Variants in VIPR2 observed in about 807,000 individuals in gnomAD.
VIPR2 encodes vasoactive intestinal polypeptide receptor 2.
Under a neutral mutation model 58.0 loss-of-function variants are expected in VIPR2, and 48 were observed. That is an observed-to-expected ratio of 0.83 (90% confidence interval 0.66 to 1.05). The LOEUF (loss-of-function observed/expected upper bound fraction) is 1.05. Ranked by LOEUF, VIPR2 falls within the 50% of genes least tolerant of loss-of-function variation. The probability of loss-of-function intolerance (pLI) is 0.00; values close to 1 mark genes in which losing one functional copy is unlikely to be tolerated. For synonymous variants in VIPR2, 243 were observed against 235.2 expected, an observed-to-expected ratio of 1.03 and a Z score of -0.30; for missense variants, 534 against 558.0, an observed-to-expected ratio of 0.96 and a Z score of 0.43.
intron 2 of VIPR2, among the ~76,000 whole-genome samples, chr7:159,111,475 T>C (rs1795998093): frequency 6.6e-6 from 1 of 151,192 alleles, no homozygotes; most frequent in Admixed American, 6.6e-5. Context: ...AGGTCAGGAG[T>C]GTGAGAACAG....
rs539741223 is a variant in VIPR2 at position 159,107,465 on chromosome 7, C to T, written c.259+2347G>A. Among the ~76,000 whole-genome samples, 100 of 152,330 alleles carry T rather than the reference C, an allele frequency of 6.6e-4. 1 individual carries two copies. The highest frequency in any genetic ancestry group is 2.2e-3 in the African/African-American group (93 of 41,576). ...TGTTCCCCTCTATGCAGACAGTTGG[C>T]TCATTGCCTCCTGGAGGGGATGGGG... On this transcript the variant is annotated intron_variant, in intron 3 of 12. Transcript: ENST00000262178.
rs1858006234 is a variant in VIPR2 at position 159,098,614 on chromosome 7, T to C, written c.357+5143A>G. On this transcript the variant is annotated intron_variant, in intron 4 of 12. Coordinates refer to ENST00000262178, the MANE Select transcript of VIPR2 (RefSeq NM_003382.5). The surrounding 1 kb of genome is among the most constrained non-coding windows in gnomAD (Gnocchi z 5.2). ...CCAGGTCCAGATGAGATGCAGCTGCTCAGCAGTGCCCAGGGCTGCCCTAGA... is the reference window on the plus strand; with the variant it reads ...CCAGGTCCAGATGAGATGCAGCTGCCCAGCAGTGCCCAGGGCTGCCCTAGA... 6.6e-6 allele frequency among the ~76,000 whole-genome samples: 1 copy of C among 152,046 alleles called. No individual in the cohort carries two copies. Among genetic ancestry groups the C allele is most frequent in the African/African-American group, 2.4e-5 (1 of 41,416 alleles).
intron 4 of VIPR2, among the ~76,000 whole-genome samples, chr7:159,065,049 C>T (rs1002749337): frequency 3.3e-5 from 5 of 152,208 alleles, no homozygotes; most frequent in Non-Finnish European, 5.9e-5. Flanking sequence ...TCTCTGAAAG[C>T]TGGGAGGGCG....
intron 4 of VIPR2, among the ~76,000 whole-genome samples, chr7:159,079,266 C>T (rs1232479719): frequency 6.6e-6 from 1 of 152,172 alleles, no homozygotes; most frequent in African/African-American, 2.4e-5. Context: ...TTATAACAAA[C>T]TGTCTCTCAG....
intron 2 of VIPR2, 125 bp downstream of exon 2, chr7:159,142,321 A>T: frequency 1.5e-6 from 1 of 679,048 alleles, no homozygotes; most frequent in East Asian, 2.6e-5. Flanking sequence ...AACAATGGGA[A>T]GTGGCCTTTC....
chr7:159,123,258 A>G (rs868778318), intron 2 of VIPR2, among the ~76,000 whole-genome samples: 1 of 124,272 alleles, frequency 8.0e-6, no homozygotes, highest in African/African-American at 3.0e-5. Context: ...GCCCCACTGC[A>G]CTCCAGCCTG....
At chr7:159,144,471 A>G in intron 1 of VIPR2, 1 of 1,540,084 alleles carries the variant, frequency 6.5e-7, no homozygotes, top group Non-Finnish European at 8.8e-7. Flanking sequence ...CAAACCCCGG[A>G]CGGTGGGGCG....
chr7:159,064,506 T>C (rs73523919), intron 4 of VIPR2, among the ~76,000 whole-genome samples: 27,627 of 152,018 alleles, frequency 0.18, 5,994 homozygotes, highest in African/African-American at 0.53. Flanking sequence ...AACTGTGGTC[T>C]CAAGTCGGGG....
At chr7:159,143,253 G>A (rs1485893096) in intron 1 of VIPR2, among the ~76,000 whole-genome samples, 2 of 152,202 alleles carry the variant, frequency 1.3e-5, no homozygotes, top group Non-Finnish European at 2.9e-5. Context: ...CCTCTCAGAA[G>A]GCACCGTTTC....
At chr7:159,040,732 G>A (rs1177222238) in intron 6 of VIPR2, among the ~76,000 whole-genome samples, 1 of 152,192 alleles carries the variant, frequency 6.6e-6, no homozygotes, top group African/African-American at 2.4e-5. Context: ...TGGAAGGAAA[G>A]CTATTTTTCC....
At chr7:159,110,097 A>G (rs1409008875) in intron 2 of VIPR2, among the ~76,000 whole-genome samples, 178 bp from the exon 3 acceptor site, 1 of 152,272 alleles carries the variant, frequency 6.6e-6, no homozygotes, top group Non-Finnish European at 1.5e-5. Flanking sequence ...TTGGAGGAAT[A>G]ACCATATGGT....
chr7:159,048,527 T>C (rs924146056), intron 5 of VIPR2, among the ~76,000 whole-genome samples: 4 of 152,222 alleles, frequency 2.6e-5, no homozygotes, highest in African/African-American at 9.6e-5. Context: ...CTATACTGTG[T>C]GAACTACAAA....
intron 4 of VIPR2, among the ~76,000 whole-genome samples, chr7:159,083,988 C>T (rs761093985): frequency 2.6e-5 from 4 of 152,252 alleles, no homozygotes; most frequent in Non-Finnish European, 5.9e-5. Context: ...TGGATGGGCT[C>T]TGACAAAGTC....
intron 5 of VIPR2, among the ~76,000 whole-genome samples, chr7:159,053,409 A>C (rs987070233): frequency 6.6e-6 from 1 of 152,254 alleles, no homozygotes; most frequent in Non-Finnish European, 1.5e-5. Flanking sequence ...GAGAAATTAA[A>C]GAAAACCAAA....
intron 2 of VIPR2, among the ~76,000 whole-genome samples, chr7:159,111,181 G>A (rs2129496324): frequency 6.6e-6 from 1 of 151,732 alleles, no homozygotes; most frequent in South Asian, 2.1e-4. Context: ...TAGGGCAGGT[G>A]GTGGAGAGGT....
rs1488869926 is a variant in VIPR2 at position 159,128,959 on chromosome 7, G to A, written c.151+13487C>T. Among the ~76,000 whole-genome samples the A allele has an allele frequency of 6.6e-6, 1 of 152,192 alleles. No individual in the cohort carries two copies. Among genetic ancestry groups the A allele is most frequent in the Non-Finnish European group, 1.5e-5 (1 of 68,034 alleles). On this transcript the variant is annotated intron_variant, in intron 2 of 12. Coordinates refer to ENST00000262178, the MANE Select transcript of VIPR2 (RefSeq NM_003382.5). This position sits in a 1 kb window ranked among gnomAD's most constrained non-coding sequence, Gnocchi z 4.1. ...GCTCCAGGGCAAAGCCAGCCCGAGCGCCAGTGTAAATGCACCCCCTCCCTC... is the reference window on the plus strand; with the variant it reads ...GCTCCAGGGCAAAGCCAGCCCGAGCACCAGTGTAAATGCACCCCCTCCCTC...
chr7:159,124,727 G>C (rs1796593204), intron 2 of VIPR2, among the ~76,000 whole-genome samples: 1 of 152,134 alleles, frequency 6.6e-6, no homozygotes, highest in Non-Finnish European at 1.5e-5. Context: ...CTATATGGCA[G>C]TATGGCCATT....
chr7:159,103,834 T>G lies in VIPR2; in HGVS notation c.280A>C (p.Thr94Pro). 2 of 1,614,180 alleles carry G rather than the reference T, an allele frequency of 1.2e-6. No individual in the cohort carries two copies. The highest frequency in any genetic ancestry group is 1.1e-5 in the South Asian group (1 of 91,084). Residue 94 changes from threonine (T) to proline (P), a missense_variant, in exon 4 of 13, where the codon ACG becomes CCG. This residue lies in a region of VIPR2 where 224 missense variants were observed against 255.7 expected (regional missense o/e 0.88). Transcript: ENST00000262178. ...SKAGNISKNC[T>P]SDGWSETFPD... ...AACGTCTCTGACCATCCGTCACTCGTACAGTTTTTGCTTATGTTTCCTGGA... is the reference window on the plus strand; with the variant it reads ...AACGTCTCTGACCATCCGTCACTCGGACAGTTTTTGCTTATGTTTCCTGGA...
At chr7:159,082,809 A>G (rs548789064) in intron 4 of VIPR2, among the ~76,000 whole-genome samples, 3 of 152,014 alleles carry the variant, frequency 2.0e-5, no homozygotes, top group East Asian at 1.9e-4. Flanking sequence ...CAGACAGACA[A>G]ACAGACAGAT....
Sources: gnomAD v4.1 joint callset for allele counts (sites outside exome capture counted in the v4.1 genomes callset) on GRCh38, gnomAD v4.1.1 for gene constraint, gnomAD v4.1.1 regional missense constraint, Gnocchi (gnomAD v3.1) non-coding constraint, MANE v1.5 for transcripts, NCBI Gene and HGNC (gene_info 2026-07-23, HGNC 2026-07-21) for gene names.